PRKDC: variants seen among roughly 807,000 people sequenced by gnomAD.
PRKDC encodes the protein DNA-dependent protein kinase catalytic subunit.
PRKDC carries 82 observed loss-of-function variants against 486.9 expected under a neutral mutation model. The ratio of observed to expected loss-of-function variants is 0.17; its 90% CI spans 0.14 to 0.20. PRKDC has a LOEUF of 0.20. PRKDC is among the 10% of genes least tolerant of loss of function. The pLI is 1.00. For synonymous variants in PRKDC, 1,895 were observed against 1,837.0 expected (o/e 1.03, Z -0.81); for missense variants, 4,504 against 5,038.2 (o/e 0.89, Z 3.21).
intron 25 of PRKDC, among the ~76,000 whole-genome samples, chr8:47,909,034 T>A (rs763737223): frequency 3.9e-5 from 6 of 152,152 alleles, no homozygotes; most frequent in Non-Finnish European, 8.8e-5. Context: ...GTCAGTTCAG[T>A]GAAAACTCCT....
At position 47,807,220 on chromosome 8, in the gene PRKDC, C is replaced by G. The variant is rs1309433738; in HGVS notation, c.9664G>C (p.Glu3222Gln). The G allele has an allele frequency of 1.2e-6, 2 of 1,613,968 alleles. No individual in the cohort carries two copies. The highest frequency in any genetic ancestry group is 2.7e-5 in the African/African-American group (2 of 75,050). The change falls in exon 69 of 86, where the codon GAG (glutamate) becomes CAG (glutamine). Residue 3222 changes from glutamate to glutamine, a missense_variant. By Grantham distance (29) the Glu-to-Gln change is conservative (BLOSUM62 2). This residue lies in a region of PRKDC where 1,592 missense variants were observed against 1,724.6 expected (regional missense o/e 0.92). Coordinates refer to ENST00000314191, the MANE Select transcript of PRKDC (RefSeq NM_006904.7). ...AGGGAGCTGATATCTTCTTCCTGCT[C>G]TTGCACTTCCATCCTGTCACTGGGG... ...GDPSDRMEVQ[E>Q]QEEDISSLIR...
intron 21 of PRKDC, among the ~76,000 whole-genome samples, chr8:47,924,603 G>A (rs1346748109): frequency 6.6e-6 from 1 of 151,934 alleles, no homozygotes; most frequent in Non-Finnish European, 1.5e-5. Context: ...ATGAGATTTG[G>A]AGGCCATGAC....
chr8:47,928,941 C>T (rs927358564), intron 19 of PRKDC, 151 bp downstream of exon 19: 6 of 618,198 alleles, frequency 9.7e-6, no homozygotes, highest in South Asian at 5.8e-5. Context: ...CCTCCCACCT[C>T]GGCCTCCCAA....
rs905699578 is a variant in PRKDC, at chr8:47,944,500, A to C, written c.722-471T>G. 8.6e-5 allele frequency among the ~76,000 whole-genome samples: 13 copies of C among 151,244 alleles called. No individual in the cohort carries two copies. The East Asian group carries it at 1.5e-3, about 18-fold the overall frequency. ...GAAAAAAATTAAAAAAAAAAAAAAAACAGAAAAAAAAACATAGTACATGCC... is the reference window on the plus strand; with the variant it reads ...GAAAAAAATTAAAAAAAAAAAAAAACCAGAAAAAAAAACATAGTACATGCC... On this transcript the variant is annotated intron_variant, in intron 7 of 85. Coordinates refer to ENST00000314191, the MANE Select transcript of PRKDC (RefSeq NM_006904.7).
chr8:47,938,196 C>T (rs1441256888), intron 11 of PRKDC, among the ~76,000 whole-genome samples: 1 of 151,402 alleles, frequency 6.6e-6, no homozygotes, highest in Non-Finnish European at 1.5e-5. Context: ...CACCTGAGGT[C>T]GGGAGTTCGG....
intron 16 of PRKDC, among the ~76,000 whole-genome samples, chr8:47,932,047 C>T (rs748797582): frequency 1.2e-4 from 18 of 150,852 alleles, no homozygotes; most frequent in Non-Finnish European, 2.2e-4. Context: ...CCCGCCACCA[C>T]GCCCGGCTCA....
intron 16 of PRKDC, among the ~76,000 whole-genome samples, chr8:47,931,141 T>C (rs1229667275): frequency 6.6e-6 from 1 of 152,166 alleles, no homozygotes; most frequent in Non-Finnish European, 1.5e-5. Context: ...GAGAAATTAT[T>C]AACAGTAGTA....
At chr8:47,865,278 C>G (rs1204655272) in intron 40 of PRKDC, among the ~76,000 whole-genome samples, 1 of 151,856 alleles carries the variant, frequency 6.6e-6, no homozygotes, top group Non-Finnish European at 1.5e-5. Context: ...CCCAGCTACT[C>G]TGGAGGCTGA....
At chr8:47,848,124 A>G (rs969906341) in intron 54 of PRKDC, among the ~76,000 whole-genome samples, 3 of 152,206 alleles carry the variant, frequency 2.0e-5, no homozygotes, top group African/African-American at 7.2e-5. Flanking sequence ...TGATCCAGCA[A>G]TCCCATTACT....
rs2087665010 is a variant in PRKDC at position 47,823,871 on chromosome 8, T to G, written c.8909A>C (p.Lys2970Thr). The change falls in exon 64 of 86, where the codon AAG becomes ACG. Residue 2970 changes from lysine to threonine, a missense_variant. By Grantham distance (78) the Lys-to-Thr change is moderately conservative. Around this residue, in one of 6 missense-constraint regions of PRKDC, gnomAD observed 1,592 missense variants for 1,724.6 expected, o/e 0.92. Transcript: ENST00000314191. Reference protein sequence around the residue: ...EARSDYSEAAKQYDEALNKQD... With the variant: ...EARSDYSEAATQYDEALNKQD... ...GATCAATTTTACCTCATCATACTGCTTAGCAGCTTCAGAATAATCACTTCT... is the reference window on the plus strand; with the variant it reads ...GATCAATTTTACCTCATCATACTGCGTAGCAGCTTCAGAATAATCACTTCT... 3 of 1,613,708 alleles carry G rather than the reference T, an allele frequency of 1.9e-6. No homozygotes were observed. The highest frequency in any genetic ancestry group is 3.3e-5 in the Admixed American group (2 of 60,002).
Position 47,807,107 on chromosome 8 carries a change from A to G in PRKDC, c.9747+30T>C, listed in dbSNP as rs1375471015. The G allele has an allele frequency of 1.9e-6, 3 of 1,588,948 alleles. No homozygotes were observed. The African/African-American group carries it at 4.1e-5, about 21-fold the overall frequency. ...AGCTAATTTAGCAAAATCCTGTGAC[A>G]CAGCAGGGAGGACAGACACGAGTAC... On this transcript the variant is annotated intron_variant, in intron 69 of 85. Transcript: ENST00000314191.
In PRKDC at chr8:47,839,200, A is replaced by G; in HGVS notation, c.7501T>C (p.Leu2501=). ...TDNDSQEIFK[L]AKDVLIQGLI... ...CCTTGAATCAGCACATCTTTTGCCAACTTAAATATTTCCTGGGAGTCATTA... is the reference window on the plus strand; with the variant it reads ...CCTTGAATCAGCACATCTTTTGCCAGCTTAAATATTTCCTGGGAGTCATTA... Residue 2501 remains leucine, a synonymous_variant, in exon 56 of 86, where the codon TTG becomes CTG. Coordinates refer to ENST00000314191, the MANE Select transcript of PRKDC (RefSeq NM_006904.7). 1 of 1,613,910 alleles carries G rather than the reference A, an allele frequency of 6.2e-7. No individual in the cohort carries two copies. The highest frequency in any genetic ancestry group is 1.1e-5 in the South Asian group (1 of 91,060).
intron 76 of PRKDC, among the ~76,000 whole-genome samples, chr8:47,787,948 T>G (rs2086817842): frequency 6.6e-6 from 1 of 152,204 alleles, no homozygotes; most frequent in African/African-American, 2.4e-5. Context: ...AAGGACCATG[T>G]GAATTATATA....
At chr8:47,955,532 C>T (rs1013380191) in intron 4 of PRKDC, among the ~76,000 whole-genome samples, 2 of 147,002 alleles carry the variant, frequency 1.4e-5, no homozygotes, top group Non-Finnish European at 3.0e-5. Flanking sequence ...TTAGGAAAAA[C>T]CTCAGAGATA....
chr8:47,951,813 C>T (rs2090629800), intron 7 of PRKDC, among the ~76,000 whole-genome samples: 1 of 152,156 alleles, frequency 6.6e-6, no homozygotes, highest in Non-Finnish European at 1.5e-5. Context: ...AAGATCTGAA[C>T]AGACATTTCT....
intron 22 of PRKDC, among the ~76,000 whole-genome samples, chr8:47,915,969 T>C (rs2089976096): frequency 6.6e-6 from 1 of 152,242 alleles, no homozygotes; most frequent in African/African-American, 2.4e-5. Context: ...TACTCTACTA[T>C]GTTAAAATCC....
chr8:47,959,928 G>C (rs1382341698), intron 1 of PRKDC, 45 bp downstream of exon 1: 14 of 1,521,534 alleles, frequency 9.2e-6, no homozygotes, highest in Admixed American at 2.0e-5. Flanking sequence ...AGAACGACTC[G>C]GGAAGCCAGG....
Position 47,834,317 on chromosome 8 carries a change from G to A in PRKDC, c.8031C>T (p.Ser2677=), listed in dbSNP as rs1221629267. 6.2e-6 allele frequency: 10 copies of A among 1,613,934 alleles called. No homozygotes were observed. In the African/African-American group the frequency reaches 1.3e-4, roughly 22 times the overall value. The part of the protein sequence containing the change: ...LVDHTSPSSD[S]LLFAHKRSER... ...CACTCCTCTTGTGGGCAAACAGCAAGGAGTCAGATGAGGGACTGGTGTGGT... is the reference window on the plus strand; with the variant it reads ...CACTCCTCTTGTGGGCAAACAGCAAAGAGTCAGATGAGGGACTGGTGTGGT... The change falls in exon 59 of 86, where the codon TCC becomes TCT. Residue 2677 remains serine (S), a synonymous_variant. Transcript: ENST00000314191.
intron 48 of PRKDC, 111 bp downstream of exon 48, chr8:47,858,405 T>G (rs1008601957): frequency 1.8e-6 from 2 of 1,113,898 alleles, no homozygotes; most frequent in Non-Finnish European, 2.4e-6. Flanking sequence ...TTTTCCTTTT[T>G]TGTGTGTGTT....
Sources: allele counts gnomAD v4.1 joint callset (sites outside exome capture counted in the v4.1 genomes callset), GRCh38; gene constraint gnomAD v4.1.1; regional missense constraint gnomAD v4.1.1; transcripts MANE v1.5; gene names NCBI Gene and HGNC (gene_info 2026-07-23, HGNC 2026-07-21).